Variants in DOCK11 observed in about 807,000 individuals in gnomAD.
DOCK11 encodes dedicator of cytokinesis protein 11.
DOCK11 carries 70 observed loss-of-function variants against 169.1 expected under a neutral mutation model. The observed-to-expected ratio is 0.41, with a 90% CI of 0.34 to 0.51. DOCK11 has a LOEUF of 0.51. Ranked by LOEUF, DOCK11 falls within the 20% of genes least tolerant of loss-of-function variation. The probability of loss-of-function intolerance (pLI) is 0.10; values close to 1 mark genes in which losing one functional copy is unlikely to be tolerated. For synonymous variants in DOCK11, 529 were observed against 541.3 expected, an observed-to-expected ratio of 0.98 and a Z score of 0.32; for missense variants, 1,166 against 1,538.8, an observed-to-expected ratio of 0.76 and a Z score of 4.05.
rs1345581066 is a variant in DOCK11, at chrX:118,542,743, G to C, written c.121G>C (p.Glu41Gln). The C allele has an allele frequency of 1.9e-5, 23 of 1,205,862 alleles. No homozygotes were observed. Among genetic ancestry groups the C allele is most frequent in the Non-Finnish European group, 2.6e-5 (23 of 893,082 alleles). The change falls in exon 2 of 53, where the codon GAG (glutamate) becomes CAG (glutamine). Residue 41 changes from glutamate to glutamine, a missense_variant. Glu to Gln is a conservative substitution (Grantham distance 29, BLOSUM62 2). Transcript: ENST00000276202. ...SVVLEKAKVV[E>Q]PLDYENVIAQ... ...TATAAAGGAAAAGGCCAAAGTTGTT[G>C]AGCCCCTGGACTATGAGAATGTTAT...
At chrX:118,599,568 C>A (rs2014273735) in intron 23 of DOCK11, among the ~76,000 whole-genome samples, 2 of 111,979 alleles carry the variant, frequency 1.8e-5, no homozygotes, top group Admixed American at 1.9e-4. Context: ...GGGAAAGGGC[C>A]AGGAGGAATG....
chrX:118,589,097 T>C (rs2013905556), intron 18 of DOCK11, among the ~76,000 whole-genome samples: 1 of 112,270 alleles, frequency 8.9e-6, no homozygotes, highest in African/African-American at 3.2e-5. Flanking sequence ...TCCCCATTTC[T>C]CTTGCATCAG....
At chrX:118,534,904 T>C (rs2011699733) in intron 1 of DOCK11, among the ~76,000 whole-genome samples, 1 of 111,507 alleles carries the variant, frequency 9.0e-6, no homozygotes, top group Admixed American at 9.6e-5. Flanking sequence ...CACTTGAAAT[T>C]GAATCTGCCA....
chrX:118,651,855 TC>T (rs2015954411), intron 41 of DOCK11, 108 bp from the exon 42 acceptor site: 2 of 497,106 alleles, frequency 4.0e-6, no homozygotes, highest in Admixed American at 6.8e-5. Flanking sequence ...CAGTGTAGAA[TC>T]TTTAAAAGAA....
rs747857658 is a variant in DOCK11, at chrX:118,573,965, C to T, written c.1336C>T (p.Pro446Ser). 23 of 1,210,297 alleles carry T rather than the reference C, an allele frequency of 1.9e-5. No individual in the cohort carries two copies. The highest frequency in any genetic ancestry group is 2.3e-4 in the Middle Eastern group (1 of 4,375). Residue 446 changes from proline (P) to serine (S), a missense_variant, in exon 12 of 53, where the codon CCC becomes TCC. Coordinates refer to ENST00000276202, the MANE Select transcript of DOCK11 (RefSeq NM_144658.4). The stretch of plus-strand genomic sequence containing the variant: ...TGACGGTAGCCCAAAGGGCTCTTCA[C>T]CCGAATCTTACATTCATGGAATTGC... ...ASDGSPKGSS[P>S]ESYIHGIAES...
Position 118,516,004 on chromosome X carries a change from A to ACTATATATATATAT in DOCK11, c.102+19931_102+19932insCTATATATATATAT, listed in dbSNP as rs1436837389. On this transcript the variant is annotated intron_variant, in intron 1 of 52. Coordinates refer to ENST00000276202, the MANE Select transcript of DOCK11 (RefSeq NM_144658.4). ...ATGTTCAAAAGTAAGGATTTGGGCA[A>ACTATATATATATAT]ATATATATATATATACATTCTTACA... 1.1e-3 allele frequency among the ~76,000 whole-genome samples: 50 copies of ACTATATATATATAT among 44,911 alleles called. 6 individuals carry two copies. Among genetic ancestry groups the ACTATATATATATAT allele is most frequent in the South Asian group, 4.0e-3 (2 of 505 alleles). 39.0% of individuals were successfully genotyped at this position (44,911 alleles called of 115,157 possible).
chrX:118,525,373 C>T (rs1326937605), intron 1 of DOCK11, among the ~76,000 whole-genome samples: 1 of 111,546 alleles, frequency 9.0e-6, no homozygotes, highest in South Asian at 3.7e-4. Flanking sequence ...ACACATGCTA[C>T]AATATGCATG....
intron 48 of DOCK11, 56 bp from the exon 49 acceptor site, chrX:118,680,426 T>A: frequency 1.4e-6 from 1 of 740,136 alleles, no homozygotes. Context: ...TCCCTTCCAC[T>A]GAATAAAATA....
chrX:118,662,633 T>C (rs2016243543), intron 44 of DOCK11, 53 bp from the exon 45 acceptor site: 2 of 708,471 alleles, frequency 2.8e-6, no homozygotes, highest in African/African-American at 2.1e-5. Flanking sequence ...CTCACTGTTA[T>C]TTACTAAATG....
At chrX:118,572,071 G>A (rs1217376736) in intron 10 of DOCK11, among the ~76,000 whole-genome samples, 1 of 112,153 alleles carries the variant, frequency 8.9e-6, no homozygotes, top group Non-Finnish European at 1.9e-5. Context: ...GGGCTTTGTA[G>A]GCCATAGTAC....
At chrX:118,542,145 G>C (rs926154171) in intron 1 of DOCK11, among the ~76,000 whole-genome samples, 6 of 110,012 alleles carry the variant, frequency 5.5e-5, no homozygotes, top group African/African-American at 2.0e-4. Flanking sequence ...CACAGATTAA[G>C]TAGAATAACA....
At chrX:118,618,222 C>T (rs888730677) in intron 30 of DOCK11, among the ~76,000 whole-genome samples, 7 of 111,357 alleles carry the variant, frequency 6.3e-5, no homozygotes, top group South Asian at 3.7e-4. Context: ...TCTGTTAAAA[C>T]GTTGCAAAAT....
chrX:118,547,194 A>G (rs775516282), intron 6 of DOCK11, among the ~76,000 whole-genome samples: 1 of 111,657 alleles, frequency 9.0e-6, no homozygotes, highest in Non-Finnish European at 1.9e-5. Flanking sequence ...CAGATATTCA[A>G]TATAAAATCA....
chrX:118,504,095 G>C (rs1417861359), intron 1 of DOCK11, among the ~76,000 whole-genome samples: 1 of 111,011 alleles, frequency 9.0e-6, no homozygotes, highest in Non-Finnish European at 1.9e-5. Context: ...AAGCCAGATA[G>C]GAGTCCAGTG....
intron 51 of DOCK11, 74 bp from the exon 52 acceptor site, chrX:118,683,005 G>A: frequency 1.9e-6 from 2 of 1,037,531 alleles, no homozygotes; most frequent in Middle Eastern, 3.9e-4. Flanking sequence ...GCTAAACTGA[G>A]TTATCAAATG....
chrX:118,615,744 G>T lies in DOCK11; in HGVS notation c.3292+33G>T, dbSNP rs777706203. The T allele has an allele frequency of 1.0e-5, 11 of 1,090,716 alleles. No individual in the cohort carries two copies. The African/African-American group carries it at 1.8e-4, about 18-fold the overall frequency. The allele number at this position is 1,090,716 out of a possible 1,213,427, so 89.9% of individuals were successfully genotyped here. A position where few individuals can be genotyped will look rare whatever the true frequency, so the allele number is the denominator to read the frequency against. ...TTTGCATTTTCCATCATTTGAGTTTGTTTTTTTCCATGTTTTGCTAGCGCT... is the reference window on the plus strand; with the variant it reads ...TTTGCATTTTCCATCATTTGAGTTTTTTTTTTTCCATGTTTTGCTAGCGCT... On this transcript the variant is annotated intron_variant, in intron 30 of 52. Coordinates refer to ENST00000276202, the MANE Select transcript of DOCK11 (RefSeq NM_144658.4).
chrX:118,685,631 T>G, intron 52 of DOCK11, 57 bp from the exon 53 acceptor site: 1 of 1,180,149 alleles, frequency 8.5e-7, no homozygotes, highest in Non-Finnish European at 1.1e-6. Context: ...TACACATTCT[T>G]TTTTTGGCAG....
chrX:118,578,546 C>T lies in DOCK11; in HGVS notation c.1411C>T (p.Pro471Ser). The T allele has an allele frequency of 1.7e-6, 2 of 1,208,899 alleles. No homozygotes were observed. The highest frequency in any genetic ancestry group is 2.2e-6 in the Non-Finnish European group (2 of 893,672). The change falls in exon 13 of 53, where the codon CCA becomes TCA. Residue 471 changes from proline (P) to serine (S), a missense_variant. Transcript: ENST00000276202. ...CCAGGGAATTTTCTCAGTGACGAAT[C>T]CACATCCTGAAATTTTTCTAGTTGC... ...IQQGIFSVTNPHPEIFLVARI... is the reference protein window; with the variant it reads ...IQQGIFSVTNSHPEIFLVARI...
chrX:118,620,253 CAT>C (rs928204735), intron 31 of DOCK11, among the ~76,000 whole-genome samples: 2 of 111,955 alleles, frequency 1.8e-5, no homozygotes, highest in Non-Finnish European at 3.8e-5. Flanking sequence ...CTCTAGGAAA[CAT>C]AATATTGTTT....
Sources: gnomAD v4.1 joint callset for allele counts (sites outside exome capture counted in the v4.1 genomes callset) on GRCh38, gnomAD v4.1.1 for gene constraint, MANE v1.5 for transcripts, NCBI Gene and HGNC (gene_info 2026-07-23, HGNC 2026-07-21) for gene names.